Variants in TRPM3 observed in about 807,000 individuals in gnomAD.
TRPM3 encodes transient receptor potential cation channel subfamily M member 3.
TRPM3 carries 77 observed loss-of-function variants against 181.2 expected under a neutral mutation model. That is an observed-to-expected ratio of 0.42 (90% CI 0.35 to 0.51). The LOEUF is 0.51. Ranked by LOEUF, TRPM3 falls within the 20% of genes least tolerant of loss-of-function variation. The pLI is 0.01. For synonymous variants in TRPM3, 745 were observed against 796.4 expected (o/e 0.94, Z 1.09); for missense variants, 1,759 against 2,196.7 (o/e 0.80, Z 3.98).
At chr9:70,655,305 CAAAAAAAA>C (rs1169901529) in intron 9 of TRPM3, among the ~76,000 whole-genome samples, 28 of 33,182 alleles carry the variant, frequency 8.4e-4, no homozygotes, top group East Asian at 4.7e-3. Flanking sequence ...GACTCCGTCT[CAAAAAAAA>C]AAAAAAAAAA....
intron 1 of TRPM3, among the ~76,000 whole-genome samples, chr9:71,114,970 AAAAG>A (rs1356526735): frequency 1.3e-5 from 2 of 152,236 alleles, no homozygotes; most frequent in Non-Finnish European, 2.9e-5. Context: ...ACAGAAAATA[AAAAG>A]AAATAGGGAA....
Position 70,535,129 on chromosome 9 carries a change from TA to T in TRPM3, c.*823del, listed in dbSNP as rs2041442635. ...CAAAATAAATTAAAAAATATAAAAT[TA>T]TTTAATTACATTCTCCTGAGCTTGC... On this transcript the variant is annotated 3_prime_UTR_variant, in exon 26 of 26. Coordinates refer to ENST00000677713, the MANE Select transcript of TRPM3 (RefSeq NM_001366145.2). 3.9e-6 allele frequency: 1 copy of T among 258,638 alleles called. No individual in the cohort carries two copies. The highest frequency in any genetic ancestry group is 2.2e-5 in the African/African-American group (1 of 44,918). 16.0% of individuals were successfully genotyped at this position (258,638 alleles called of 1,614,324 possible).
At chr9:70,817,130 G>A (rs550244457) in intron 6 of TRPM3, among the ~76,000 whole-genome samples, 1 of 152,140 alleles carries the variant, frequency 6.6e-6, no homozygotes, top group Non-Finnish European at 1.5e-5. Flanking sequence ...CCTTCATACT[G>A]ATAGGATTTT....
chr9:71,111,452 T>G (rs1046722746), intron 1 of TRPM3, among the ~76,000 whole-genome samples: 1 of 152,172 alleles, frequency 6.6e-6, no homozygotes, highest in Admixed American at 6.5e-5. Flanking sequence ...AGAAATTTTG[T>G]TTTTCCCAAT....
At chr9:70,879,640 T>G (rs1277856336) in intron 1 of TRPM3, among the ~76,000 whole-genome samples, 1 of 152,060 alleles carries the variant, frequency 6.6e-6, no homozygotes, top group Non-Finnish European at 1.5e-5. Context: ...TGGTAGAACT[T>G]CAATAAACAT....
At chr9:71,085,020 C>A (rs2133817100) in intron 1 of TRPM3, among the ~76,000 whole-genome samples, 1 of 152,090 alleles carries the variant, frequency 6.6e-6, no homozygotes, top group African/African-American at 2.4e-5. Flanking sequence ...CAAAAATAAG[C>A]AATAGGGAAG....
intron 1 of TRPM3, among the ~76,000 whole-genome samples, chr9:71,130,409 C>T (rs1429454509): frequency 6.6e-6 from 1 of 152,080 alleles, no homozygotes; most frequent in Non-Finnish European, 1.5e-5. Flanking sequence ...TGGCCAGAAA[C>T]TTTATGCCTG....
intron 1 of TRPM3, among the ~76,000 whole-genome samples, chr9:70,905,866 T>G (rs1347167876): frequency 1.3e-5 from 2 of 151,994 alleles, no homozygotes; most frequent in East Asian, 3.9e-4. Flanking sequence ...ACTTCCCGGG[T>G]AGCTGGGAAT....
chr9:71,016,339 T>A, intron 1 of TRPM3, among the ~76,000 whole-genome samples: 1 of 151,956 alleles, frequency 6.6e-6, no homozygotes, highest in East Asian at 1.9e-4. Context: ...TACATTGACA[T>A]CATTGTGCAA....
At chr9:70,741,138 A>G (rs1361417607) in intron 8 of TRPM3, among the ~76,000 whole-genome samples, 2 of 152,194 alleles carry the variant, frequency 1.3e-5, no homozygotes, top group Non-Finnish European at 2.9e-5. Flanking sequence ...TCCCATCAAA[A>G]AGTGGACTAT....
At chr9:70,673,695 G>A (rs544424776) in intron 9 of TRPM3, among the ~76,000 whole-genome samples, 15 of 152,198 alleles carry the variant, frequency 9.9e-5, no homozygotes, top group African/African-American at 3.4e-4. Context: ...TTGGGAGGCC[G>A]AGGCACATAG....
intron 1 of TRPM3, among the ~76,000 whole-genome samples, chr9:70,886,003 C>G (rs538708114): frequency 6.6e-6 from 1 of 152,234 alleles, no homozygotes; most frequent in South Asian, 2.1e-4. Flanking sequence ...AACTGACTCA[C>G]CAAGAATAAT....
At chr9:70,860,785 A>G (rs2095501489) in intron 3 of TRPM3, among the ~76,000 whole-genome samples, 1 of 152,160 alleles carries the variant, frequency 6.6e-6, no homozygotes, top group South Asian at 2.1e-4. Context: ...AATAATAGTG[A>G]TGATAGTATT....
At chr9:71,428,109 G>C (rs1266504699) in intron 1 of TRPM3, among the ~76,000 whole-genome samples, 1 of 151,530 alleles carries the variant, frequency 6.6e-6, no homozygotes, top group African/African-American at 2.4e-5. Context: ...GGTTTTTTTT[G>C]AGACAGAGTT....
intron 1 of TRPM3, among the ~76,000 whole-genome samples, chr9:71,373,329 G>A (rs1179913178): frequency 2.0e-5 from 3 of 147,922 alleles, no homozygotes; most frequent in South Asian, 4.3e-4. Flanking sequence ...AAAAATCAAC[G>A]AATCCAGGAG....
chr9:71,280,234 C>T (rs1197073322), intron 1 of TRPM3, among the ~76,000 whole-genome samples: 2 of 152,122 alleles, frequency 1.3e-5, no homozygotes, highest in Non-Finnish European at 2.9e-5. Context: ...CACGTGAATG[C>T]CATATGGTGG....
intron 1 of TRPM3, among the ~76,000 whole-genome samples, chr9:71,258,516 G>A (rs1006348823): frequency 1.3e-5 from 2 of 152,130 alleles, no homozygotes; most frequent in Non-Finnish European, 2.9e-5. Context: ...TACTTGAAAA[G>A]TGAATGACTT....
intron 1 of TRPM3, among the ~76,000 whole-genome samples, chr9:70,925,295 G>A (rs992253320): frequency 1.3e-5 from 2 of 152,100 alleles, no homozygotes; most frequent in African/African-American, 4.8e-5. Flanking sequence ...CAGTATTGAT[G>A]GAAACAATGT....
At chr9:71,131,091 A>G (rs1311934217) in intron 1 of TRPM3, among the ~76,000 whole-genome samples, 1 of 152,166 alleles carries the variant, frequency 6.6e-6, no homozygotes, top group South Asian at 2.1e-4. Flanking sequence ...GTTTTTGATA[A>G]TGTGACAAAT....
Sources: allele counts gnomAD v4.1 joint callset (sites outside exome capture counted in the v4.1 genomes callset), GRCh38; gene constraint gnomAD v4.1.1; transcripts MANE v1.5; gene names NCBI Gene and HGNC (gene_info 2026-07-23, HGNC 2026-07-21).